The following DOCK8 variants were observed in gnomAD, a reference collection of about 807,000 sequenced individuals.
DOCK8 encodes dedicator of cytokinesis 8, also known as dedicator of cytokinesis protein 8.
In DOCK8, 141 loss-of-function variants were observed where a neutral mutation model predicts 245.6. The ratio of observed to expected loss-of-function variants is 0.57; its 90% CI spans 0.50 to 0.66. The LOEUF is 0.66. Ranked by LOEUF, DOCK8 falls within the 30% of genes least tolerant of loss-of-function variation. DOCK8 has a pLI of 0.00. For missense variants in DOCK8, 2,965 were observed against 2,603.4 expected, an observed-to-expected ratio of 1.14 and a Z score of -3.02; for synonymous variants, 1,168 against 970.2, an observed-to-expected ratio of 1.20 and a Z score of -3.79.
chr9:277,461 GAA>G (rs1254068104), intron 2 of DOCK8, among the ~76,000 whole-genome samples: 46 of 63,730 alleles, frequency 7.2e-4, no homozygotes, highest in African/African-American at 3.2e-3. Flanking sequence ...GAGAAAGAGA[GAA>G]GAGAAGAGAA....
chr9:232,707 A>T (rs1207279087), intron 1 of DOCK8, among the ~76,000 whole-genome samples: 1 of 152,198 alleles, frequency 6.6e-6, no homozygotes, highest in East Asian at 1.9e-4. Flanking sequence ...GTATTCTCTG[A>T]TGGTAGTTTG....
At chr9:374,031 A>T (rs1293229657) in intron 18 of DOCK8, among the ~76,000 whole-genome samples, 1 of 152,156 alleles carries the variant, frequency 6.6e-6, no homozygotes, top group Non-Finnish European at 1.5e-5. Context: ...TGAGTTGCTT[A>T]CCCTCTCTGA....
In DOCK8 at chr9:286,537, A is replaced by C; in HGVS notation, c.233A>C (p.Gln78Pro). The change falls in exon 3 of 48, where the codon CAG becomes CCG. Residue 78 changes from glutamine to proline, a missense_variant. Physicochemically the swap from Gln to Pro is moderately conservative, Grantham distance 76. Transcript: ENST00000432829. ...ACACACCTGAACAGCCTGGATGTGC[A>C]GCTTGCCCAGGAGCTCGGGGACTTC... ...LMTHLNSLDV[Q>P]LAQELGDFTD... 6.2e-7 allele frequency: 1 copy of C among 1,614,052 alleles called. No homozygotes were observed. Among genetic ancestry groups the C allele is most frequent in the Non-Finnish European group, 8.5e-7 (1 of 1,179,942 alleles).
chr9:392,963 G>T (rs1026223500), intron 24 of DOCK8, among the ~76,000 whole-genome samples: 2 of 151,790 alleles, frequency 1.3e-5, no homozygotes, highest in Admixed American at 1.3e-4. Flanking sequence ...ACATGTGCTT[G>T]TAGTCTCAGT....
chr9:371,566 A>T lies in DOCK8; in HGVS notation c.2007A>T (p.Ser669=), dbSNP rs757448518. ...GASVETLLGY[S]WLPILLNERL... ...CCGTGGAAACTCTCCTGGGATATTC[A>T]GTGAGTTGTTTCCAGCCTGCTGACT... The change falls in exon 17 of 48, where the codon TCA becomes TCT. Residue 669 remains serine (S), a splice_region_variant and synonymous_variant. Coordinates refer to ENST00000432829, the MANE Select transcript of DOCK8 (RefSeq NM_203447.4). 1.2e-6 allele frequency: 2 copies of T among 1,614,164 alleles called. No homozygotes were observed. The highest frequency in any genetic ancestry group is 4.5e-5 in the East Asian group (2 of 44,878).
Position 441,336 on chromosome 9 carries a change from C to G in DOCK8, c.5274C>G (p.Ile1758Met). ...AGGTCTACAAGCTGGTCATCCCCAT[C>G]CTAGAAGCGCATCGAGAATTCCGGA... ...VNEVYKLVIPILEAHREFRKL... is the reference protein window; with the variant it reads ...VNEVYKLVIPMLEAHREFRKL... Residue 1758 changes from isoleucine (I) to methionine (M), a missense_variant, in exon 41 of 48, where the codon ATC (isoleucine) becomes ATG (methionine). By Grantham distance (10) the Ile-to-Met change is conservative. Around this residue, in one of 3 missense-constraint regions of DOCK8, gnomAD observed 2,825 missense variants for 2,453.5 expected, o/e 1.15. Transcript: ENST00000432829. 6.2e-7 allele frequency: 1 copy of G among 1,614,184 alleles called. No individual in the cohort carries two copies. The highest frequency in any genetic ancestry group is 1.1e-5 in the South Asian group (1 of 91,084).
At chr9:464,043 C>G in intron 47 of DOCK8, 116 bp from the exon 48 acceptor site, 1 of 896,196 alleles carries the variant, frequency 1.1e-6, no homozygotes, top group East Asian at 2.4e-5. Flanking sequence ...TTGTCCATGA[C>G]TGATGTCCAT....
At chr9:340,347 C>T (rs750058211) in intron 14 of DOCK8, 26 bp downstream of exon 14, 41 of 1,613,282 alleles carry the variant, frequency 2.5e-5, no homozygotes, top group Middle Eastern at 1.6e-4. Flanking sequence ...TCGGGCTGGG[C>T]GTGGTGGCTT....
intron 46 of DOCK8, among the ~76,000 whole-genome samples, chr9:462,475 G>C (rs2131973624): frequency 6.6e-6 from 1 of 152,308 alleles, no homozygotes; most frequent in South Asian, 2.1e-4. Flanking sequence ...AGATGGGATA[G>C]CTTTTCAAGG....
chr9:443,476 A>G lies in DOCK8; in HGVS notation c.5540A>G (p.Asp1847Gly). 1 of 1,614,026 alleles carries G rather than the reference A, an allele frequency of 6.2e-7. No individual in the cohort carries two copies. Among genetic ancestry groups the G allele is most frequent in the South Asian group, 1.1e-5 (1 of 91,080 alleles). ...GCAGAATTTGTGGAAGTGATTAAAG[A>G]CTCCACTCCTGTGGACAAAACCAAG... ...FGAEFVEVIK[D>G]STPVDKTKLD... The change falls in exon 43 of 48, where the codon GAC becomes GGC. Residue 1847 changes from aspartate to glycine, a missense_variant. By Grantham distance (94) the Asp-to-Gly change is moderately conservative. Around this residue, in one of 3 missense-constraint regions of DOCK8, gnomAD observed 2,825 missense variants for 2,453.5 expected, o/e 1.15. Coordinates refer to ENST00000432829, the MANE Select transcript of DOCK8 (RefSeq NM_203447.4).
At chr9:325,775 A>C in intron 8 of DOCK8, 38 bp downstream of exon 8, 1 of 1,534,126 alleles carries the variant, frequency 6.5e-7, no homozygotes, top group Non-Finnish European at 9.0e-7. Context: ...TAAGGCACAT[A>C]TATTGTTCAT....
rs142426619 is a variant in DOCK8, at chr9:395,874, C to A, written c.2971-911C>A. Among the ~76,000 whole-genome samples the A allele has an allele frequency of 5.4e-4, 82 of 151,934 alleles. No individual in the cohort carries two copies. In the East Asian group the frequency reaches 0.013, roughly 24 times the overall value. On this transcript the variant is annotated intron_variant, in intron 24 of 47. Coordinates refer to ENST00000432829, the MANE Select transcript of DOCK8 (RefSeq NM_203447.4). ...ACACAAGGATATCTATATATAGATA[C>A]GATATGTATATGTATGTATATCCAT...
At chr9:216,554 A>AAAAG (rs1188826653) in intron 1 of DOCK8, among the ~76,000 whole-genome samples, 3 of 150,798 alleles carry the variant, frequency 2.0e-5, no homozygotes, top group African/African-American at 7.3e-5. Context: ...AAAAAAAAAA[A>AAAAG]AGCAAAAACA....
At chr9:356,386 C>T (rs1221760593) in intron 14 of DOCK8, among the ~76,000 whole-genome samples, 1 of 151,988 alleles carries the variant, frequency 6.6e-6, no homozygotes, top group African/African-American at 2.4e-5. Flanking sequence ...AAAAACTAGC[C>T]AGGCGTGGTA....
chr9:267,281 C>A (rs1228965280), intron 1 of DOCK8, among the ~76,000 whole-genome samples: 4 of 152,202 alleles, frequency 2.6e-5, no homozygotes, highest in Admixed American at 2.6e-4. Flanking sequence ...ACACAGTTCA[C>A]TGTAGCCTCA....
intron 28 of DOCK8, among the ~76,000 whole-genome samples, chr9:412,874 G>A (rs1197794404): frequency 3.4e-5 from 4 of 116,956 alleles, no homozygotes; most frequent in Admixed American, 3.4e-4. Flanking sequence ...ATTCTAGCTT[G>A]CTTTTTTTTT....
rs2057390279 is a variant in DOCK8, at chr9:450,406, G to A, written c.5961+479G>A. Among the ~76,000 whole-genome samples the A allele has an allele frequency of 2.0e-5, 3 of 152,088 alleles. No individual in the cohort carries two copies. The South Asian group carries it at 6.2e-4, about 32-fold the overall frequency. ...GGACCTTGACAACCAGGAATGACCT[G>A]GGACCTGACTTCTTAGGCTACTTCA... is the stretch of plus-strand genomic sequence containing the variant. On this transcript the variant is annotated intron_variant, in intron 45 of 47. Coordinates refer to ENST00000432829, the MANE Select transcript of DOCK8 (RefSeq NM_203447.4).
intron 7 of DOCK8, among the ~76,000 whole-genome samples, chr9:323,852 G>A (rs1388004353): frequency 6.6e-6 from 1 of 152,052 alleles, no homozygotes; most frequent in African/African-American, 2.4e-5. Flanking sequence ...TCCTTTTATG[G>A]CTAAATAATA....
chr9:348,723 C>A (rs1194261294), intron 14 of DOCK8, among the ~76,000 whole-genome samples: 1 of 152,176 alleles, frequency 6.6e-6, no homozygotes, highest in Non-Finnish European at 1.5e-5. Flanking sequence ...GTTAGTTTTA[C>A]AAATTATTAT....
Sources: gnomAD v4.1 joint callset for allele counts (sites outside exome capture counted in the v4.1 genomes callset) on GRCh38, gnomAD v4.1.1 for gene constraint, gnomAD v4.1.1 regional missense constraint, MANE v1.5 for transcripts, NCBI Gene and HGNC (gene_info 2026-07-23, HGNC 2026-07-21) for gene names.